Variants in DNAH7 observed in about 807,000 individuals in gnomAD.
DNAH7 encodes the protein axonemal beta dynein heavy chain 7.
A neutral mutation model predicts 444.6 loss-of-function variants in DNAH7; 397 were observed. The ratio of observed to expected loss-of-function variants is 0.89; its 90% CI spans 0.82 to 0.97. The LOEUF is 0.97. Among genes scored for constraint, DNAH7 ranks in the 50% least tolerant of loss-of-function variants. The pLI, the probability that DNAH7 is intolerant of heterozygous loss-of-function variation, is 0.00. For missense variants in DNAH7, 4,902 were observed against 4,800.8 expected, an observed-to-expected ratio of 1.02 and a Z score of -0.62; for synonymous variants, 1,636 against 1,624.4, an observed-to-expected ratio of 1.01 and a Z score of -0.17.
At chr2:195,790,198 C>A (rs776560802) in intron 57 of DNAH7, among the ~76,000 whole-genome samples, 1 of 152,066 alleles carries the variant, frequency 6.6e-6, no homozygotes, top group South Asian at 2.1e-4. Context: ...AATGGAAAAA[C>A]ACTCCATGCT....
intron 19 of DNAH7, among the ~76,000 whole-genome samples, chr2:195,952,421 C>T (rs757701791): frequency 2.0e-5 from 3 of 152,018 alleles, no homozygotes; most frequent in African/African-American, 4.8e-5. Context: ...TTGCTCTTCT[C>T]GAGGAGTATC....
At chr2:196,047,616 T>A in intron 4 of DNAH7, 117 bp from the exon 5 acceptor site, 3 of 855,290 alleles carry the variant, frequency 3.5e-6, no homozygotes, top group Non-Finnish European at 4.8e-6. Flanking sequence ...CATTATCAAG[T>A]AATCCTAAGT....
intron 5 of DNAH7, among the ~76,000 whole-genome samples, chr2:196,045,853 A>G (rs1697087822): frequency 6.6e-6 from 1 of 152,124 alleles, no homozygotes; most frequent in South Asian, 2.1e-4. Flanking sequence ...AGCAAAAGCA[A>G]CATATGATAA....
intron 47 of DNAH7, among the ~76,000 whole-genome samples, chr2:195,842,953 A>G (rs1006784196): frequency 2.6e-5 from 4 of 152,292 alleles, no homozygotes; most frequent in African/African-American, 9.6e-5. Context: ...GACAATGACT[A>G]CCACTTCAGT....
intron 53 of DNAH7, among the ~76,000 whole-genome samples, chr2:195,808,195 C>T (rs1328800731): frequency 6.6e-6 from 1 of 152,186 alleles, no homozygotes; most frequent in African/African-American, 2.4e-5. Flanking sequence ...AGATGGGAAA[C>T]TGTGAATATT....
At chr2:195,831,808 G>T (rs1334286698) in intron 48 of DNAH7, among the ~76,000 whole-genome samples, 4 of 152,018 alleles carry the variant, frequency 2.6e-5, no homozygotes, top group Non-Finnish European at 5.9e-5. Context: ...CATATAGTAT[G>T]GTGATATGAT....
Position 196,068,799 on chromosome 2 carries a change from C to T in DNAH7, c.-88G>A. On this transcript the variant is annotated 5_prime_UTR_variant, in exon 1 of 65. Transcript: ENST00000312428. ...GGACGATAGAGGCAGGGCCCCGGGA[C>T]TTGCAGCGGTCTCAGCTCCCTCCGC... 2.0e-6 allele frequency: 3 copies of T among 1,510,650 alleles called. No individual in the cohort carries two copies. Among genetic ancestry groups the T allele is most frequent in the South Asian group, 1.2e-5 (1 of 81,200 alleles). The allele number at this position is 1,510,650 out of a possible 1,614,324, so 93.6% of individuals were successfully genotyped here.
intron 1 of DNAH7, chr2:196,063,764 A>G (rs917655354): frequency 6.6e-6 from 1 of 152,308 alleles, no homozygotes; most frequent in African/African-American, 2.4e-5. Context: ...GGCTGTAGTC[A>G]GTGTCAGCAT....
intron 10 of DNAH7, among the ~76,000 whole-genome samples, chr2:196,004,401 A>G (rs1374274338): frequency 1.3e-5 from 2 of 152,252 alleles, no homozygotes; most frequent in Non-Finnish European, 2.9e-5. Flanking sequence ...TGGTCATAAA[A>G]TAAGTCTCAA....
intron 34 of DNAH7, among the ~76,000 whole-genome samples, chr2:195,885,302 G>C (rs1018581081): frequency 6.6e-6 from 1 of 152,140 alleles, no homozygotes; most frequent in Non-Finnish European, 1.5e-5. Flanking sequence ...AAAGATACTA[G>C]CTTTCTTCTT....
chr2:196,044,404 G>T (rs1169853385), intron 5 of DNAH7, among the ~76,000 whole-genome samples: 1 of 151,356 alleles, frequency 6.6e-6, no homozygotes, highest in African/African-American at 2.4e-5. Context: ...GGACACAAAG[G>T]CATAAGAATG....
chr2:195,990,656 C>T (rs948689238), intron 12 of DNAH7, among the ~76,000 whole-genome samples: 18 of 150,194 alleles, frequency 1.2e-4, no homozygotes, highest in Non-Finnish European at 1.9e-4. Flanking sequence ...AAGACCCTGT[C>T]TCGAAAAAAA....
intron 5 of DNAH7, among the ~76,000 whole-genome samples, chr2:196,028,442 A>C (rs1047192056): frequency 3.9e-5 from 6 of 152,204 alleles, no homozygotes; most frequent in Non-Finnish European, 7.4e-5. Context: ...TACTTTAAAC[A>C]CAGTTTTGCA....
At chr2:195,938,385 C>CAA (rs1461071904) in intron 19 of DNAH7, among the ~76,000 whole-genome samples, 17 of 148,822 alleles carry the variant, frequency 1.1e-4, no homozygotes, top group African/African-American at 3.7e-4. Context: ...CACACACAAA[C>CAA]ACACACAGCA....
chr2:195,855,732 G>A, intron 45 of DNAH7, 79 bp downstream of exon 45: 6 of 1,476,146 alleles, frequency 4.1e-6, no homozygotes, highest in Non-Finnish European at 3.7e-6. Context: ...CAGGACTGGT[G>A]TGTTATGTGC....
chr2:195,789,682 C>T (rs950870203), intron 57 of DNAH7, among the ~76,000 whole-genome samples: 1 of 151,852 alleles, frequency 6.6e-6, no homozygotes, highest in African/African-American at 2.4e-5. Flanking sequence ...TCATGTGCCT[C>T]CAGATGTGAT....
chr2:195,774,968 A>G (rs1187805802), intron 60 of DNAH7, among the ~76,000 whole-genome samples: 1 of 152,232 alleles, frequency 6.6e-6, no homozygotes, highest in African/African-American at 2.4e-5. Context: ...AAACAAATCA[A>G]ATTAACAACT....
intron 5 of DNAH7, among the ~76,000 whole-genome samples, chr2:196,042,315 G>A (rs79584334): frequency 0.032 from 4,795 of 151,854 alleles, 230 homozygotes; most frequent in African/African-American, 0.11. Flanking sequence ...ATATTTGAGG[G>A]GACAGATATC....
chr2:195,857,615 T>C lies in DNAH7; in HGVS notation c.8176A>G (p.Thr2726Ala), dbSNP rs1347577662. Residue 2726 changes from threonine (T) to alanine (A), a missense_variant, in exon 44 of 65, where the codon ACA (threonine) becomes GCA (alanine). Transcript: ENST00000312428. ...TCCTCAATTTTTTTCCCTGAACCTG[T>C]TGGGTCAGGGATTTTGTCAGCTTTG... ...GIKADKIPDPTGSGKKIEDFW... is the reference protein window; with the variant it reads ...GIKADKIPDPAGSGKKIEDFW... 1 of 1,613,852 alleles carries C rather than the reference T, an allele frequency of 6.2e-7. No individual in the cohort carries two copies. The highest frequency in any genetic ancestry group is 8.5e-7 in the Non-Finnish European group (1 of 1,179,934).
Sources: gnomAD v4.1 joint callset for allele counts (sites outside exome capture counted in the v4.1 genomes callset) on GRCh38, gnomAD v4.1.1 for gene constraint, MANE v1.5 for transcripts, NCBI Gene and HGNC (gene_info 2026-07-23, HGNC 2026-07-21) for gene names.